The following MCC variants were observed in gnomAD, a reference collection of about 807,000 sequenced individuals.
The protein encoded by MCC is colorectal mutant cancer protein.
MCC carries 90 observed loss-of-function variants against 116.2 expected under a neutral mutation model. The observed-to-expected ratio is 0.77, with a 90% CI of 0.65 to 0.92. The LOEUF (loss-of-function observed/expected upper bound fraction) is 0.92. MCC is among the 40% of genes least tolerant of loss of function. The probability of loss-of-function intolerance (pLI) is 0.00; values close to 1 mark genes in which losing one functional copy is unlikely to be tolerated. For missense variants in MCC, 1,516 were observed against 1,312.2 expected, an observed-to-expected ratio of 1.16 and a Z score of -2.40; for synonymous variants, 578 against 510.5, an observed-to-expected ratio of 1.13 and a Z score of -1.78.
intron 3 of MCC, among the ~76,000 whole-genome samples, chr5:113,306,580 T>C (rs1313416667): frequency 1.3e-5 from 2 of 152,216 alleles, no homozygotes; most frequent in Non-Finnish European, 2.9e-5. Context: ...TGTCTTTTTA[T>C]TGTTTAATTT....
intron 11 of MCC, among the ~76,000 whole-genome samples, chr5:113,076,512 T>C (rs1754467997): frequency 6.6e-6 from 1 of 152,216 alleles, no homozygotes; most frequent in Admixed American, 6.5e-5. Flanking sequence ...TATTAAATAC[T>C]CTTAAAGAAA....
At chr5:113,312,024 T>C (rs1471042055) in intron 3 of MCC, among the ~76,000 whole-genome samples, 2 of 152,172 alleles carry the variant, frequency 1.3e-5, no homozygotes, top group East Asian at 1.9e-4. Flanking sequence ...GAGAATCGCT[T>C]GAAACCGGGC....
chr5:113,409,538 G>A (rs922832623), intron 1 of MCC, among the ~76,000 whole-genome samples: 1 of 152,010 alleles, frequency 6.6e-6, no homozygotes, highest in Admixed American at 6.6e-5. Context: ...TTCTTGTAAA[G>A]ATGGGGTCTC....
chr5:113,116,452 A>G (rs1382409283), intron 6 of MCC, among the ~76,000 whole-genome samples: 1 of 152,226 alleles, frequency 6.6e-6, no homozygotes, highest in East Asian at 1.9e-4. Flanking sequence ...CATGAATTTC[A>G]AATAACCAAA....
At position 113,068,157 on chromosome 5, in the gene MCC, A is replaced by G; in HGVS notation, c.1952T>C (p.Leu651Pro). 1 of 1,614,120 alleles carries G rather than the reference A, an allele frequency of 6.2e-7. No individual in the cohort carries two copies. The highest frequency in any genetic ancestry group is 8.5e-7 in the Non-Finnish European group (1 of 1,180,012). The change falls in exon 13 of 19, where the codon CTC becomes CCC. Residue 651 changes from leucine to proline, a missense_variant. Physicochemically the swap from Leu to Pro is moderately conservative, Grantham distance 98. Coordinates refer to ENST00000408903, the MANE Select transcript of MCC (RefSeq NM_001085377.2). ...YSEQCIEAYE[L>P]LLALAESEQS... ...CTCACTCTCTGCCAGCGCCAGGAGG[A>G]GTTCGTAGGCTTCGATGCACTGCTC...
intron 6 of MCC, among the ~76,000 whole-genome samples, chr5:113,113,280 G>A (rs189040957): frequency 4.6e-5 from 7 of 152,318 alleles, no homozygotes; most frequent in Admixed American, 4.6e-4. Context: ...CTGAAACCAG[G>A]AGGGCTGTTG....
chr5:113,202,481 C>A (rs1461149322), intron 3 of MCC, among the ~76,000 whole-genome samples: 3 of 152,124 alleles, frequency 2.0e-5, no homozygotes, highest in African/African-American at 4.8e-5. Context: ...TTCGACAATA[C>A]GTACATAGTT....
intron 1 of MCC, among the ~76,000 whole-genome samples, chr5:113,387,040 C>T (rs778895893): frequency 2.0e-5 from 3 of 152,044 alleles, no homozygotes; most frequent in Admixed American, 1.3e-4. Context: ...TTTGGCCCCT[C>T]GGATATTACT....
intron 3 of MCC, among the ~76,000 whole-genome samples, chr5:113,166,592 G>A (rs1343921895): frequency 2.6e-5 from 4 of 151,136 alleles, no homozygotes; most frequent in African/African-American, 4.9e-5. Flanking sequence ...AAGACTCTGA[G>A]TCTTCGTAAT....
chr5:113,413,925 C>G (rs1286842542), intron 1 of MCC, among the ~76,000 whole-genome samples: 3 of 152,184 alleles, frequency 2.0e-5, no homozygotes, highest in Admixed American at 2.0e-4. Flanking sequence ...ATAAATTTCC[C>G]TCTACACACT....
At chr5:113,295,042 C>T (rs948420644) in intron 3 of MCC, 6 of 751,820 alleles carry the variant, frequency 8.0e-6, no homozygotes, top group Non-Finnish European at 9.7e-6. Context: ...GCCTGGAGGC[C>T]GAGCAGAGGA....
At chr5:113,132,005 C>A (rs1372289619) in intron 5 of MCC, among the ~76,000 whole-genome samples, 3 of 152,110 alleles carry the variant, frequency 2.0e-5, no homozygotes, top group South Asian at 4.2e-4. Context: ...TGTAGTCATT[C>A]CTTGATTCAA....
chr5:113,425,936 T>C (rs1010214932), intron 1 of MCC, among the ~76,000 whole-genome samples: 5 of 151,990 alleles, frequency 3.3e-5, no homozygotes, highest in Non-Finnish European at 5.9e-5. Context: ...TCTGAAGCCA[T>C]GGCAATAAGA....
At chr5:113,086,441 CTT>C (rs1205617923) in intron 8 of MCC, among the ~76,000 whole-genome samples, 2 of 152,116 alleles carry the variant, frequency 1.3e-5, no homozygotes, top group Non-Finnish European at 2.9e-5. Context: ...GAGCCAGCAC[CTT>C]TTCCCCAAGT....
rs1196854097 is a variant in MCC, at chr5:113,101,853, C to A, written c.1284G>T (p.Leu428=). 1.2e-6 allele frequency: 2 copies of A among 1,613,688 alleles called. No homozygotes were observed. ...CAGTCAGGCTCTCATTCTCTTCCCT[C>A]AGCCCAGCCAGCTCCTTCTCCCACC... ...RSRWEKELAG[L]REENESLTAM... Residue 428 remains leucine, a synonymous_variant, in exon 8 of 19, where the codon CTG becomes CTT. Coordinates refer to ENST00000408903, the MANE Select transcript of MCC (RefSeq NM_001085377.2).
intron 6 of MCC, among the ~76,000 whole-genome samples, chr5:113,105,094 C>G (rs986184612): frequency 1.3e-5 from 2 of 152,190 alleles, no homozygotes; most frequent in Non-Finnish European, 2.9e-5. Context: ...GGGAAGAAAA[C>G]TCCCCTTAAA....
chr5:113,087,757 C>CT (rs1026417698), intron 8 of MCC, among the ~76,000 whole-genome samples: 2 of 149,520 alleles, frequency 1.3e-5, no homozygotes, highest in African/African-American at 5.0e-5. Context: ...AGAATCCCTA[C>CT]TGGCCTACTC....
At chr5:113,372,702 C>G (rs189464903) in intron 2 of MCC, among the ~76,000 whole-genome samples, 152 of 152,184 alleles carry the variant, frequency 1.0e-3, no homozygotes, top group Non-Finnish European at 1.5e-3. Flanking sequence ...CACTGTTAAT[C>G]TTTTTCAGAG....
chr5:113,068,653 C>G (rs147445670), intron 12 of MCC, among the ~76,000 whole-genome samples: 166 of 152,370 alleles, frequency 1.1e-3, no homozygotes, highest in Middle Eastern at 0.01. Flanking sequence ...CACTCTCTCT[C>G]ACTTCACTAT....
Sources: allele counts gnomAD v4.1 joint callset (sites outside exome capture counted in the v4.1 genomes callset), GRCh38; gene constraint gnomAD v4.1.1; transcripts MANE v1.5; gene names NCBI Gene and HGNC (gene_info 2026-07-23, HGNC 2026-07-21).